MTHFD2L: variants seen among roughly 807,000 people sequenced by gnomAD.
MTHFD2L encodes methylenetetrahydrofolate dehydrogenase (NADP+ dependent) 2 like.
Under a neutral mutation model 34.9 loss-of-function variants are expected in MTHFD2L, and 29 were observed. The ratio of observed to expected loss-of-function variants is 0.83; its 90% confidence interval spans 0.62 to 1.13. MTHFD2L has a LOEUF of 1.13. Among genes scored for constraint, MTHFD2L ranks in the 50% most tolerant of loss-of-function variants. The probability of loss-of-function intolerance (pLI) is 0.00; values close to 1 mark genes in which losing one functional copy is unlikely to be tolerated. For missense variants in MTHFD2L, 481 were observed against 446.5 expected (o/e 1.08, Z -0.70); for synonymous variants, 167 against 155.7 (o/e 1.07, Z -0.54).
At chr4:74,185,176 A>AAAAC (rs1730956623) in intron 3 of MTHFD2L, among the ~76,000 whole-genome samples, 1 of 148,792 alleles carries the variant, frequency 6.7e-6, no homozygotes, top group African/African-American at 2.6e-5. Context: ...AAAAAAAAAA[A>AAAAC]AAATCTGGAA....
At chr4:74,227,532 T>C (rs897947009) in intron 6 of MTHFD2L, among the ~76,000 whole-genome samples, 1 of 152,142 alleles carries the variant, frequency 6.6e-6, no homozygotes, top group Admixed American at 6.6e-5. Flanking sequence ...AAACAGCAGA[T>C]ACCAAAGTCC....
chr4:74,240,859 A>G (rs1741602261), intron 6 of MTHFD2L, among the ~76,000 whole-genome samples: 1 of 152,212 alleles, frequency 6.6e-6, no homozygotes, highest in African/African-American at 2.4e-5. Context: ...ACAATGTATT[A>G]AACTGAAATT....
At chr4:74,276,008 G>A (rs6845763) in intron 6 of MTHFD2L, among the ~76,000 whole-genome samples, 17,845 of 151,996 alleles carry the variant, frequency 0.12, 2,813 homozygotes, top group African/African-American at 0.36. Flanking sequence ...TGATTTCATT[G>A]TAAGTCTTTG....
At chr4:74,204,156 T>C (rs1337355512) in intron 5 of MTHFD2L, among the ~76,000 whole-genome samples, 1 of 152,182 alleles carries the variant, frequency 6.6e-6, no homozygotes, top group Non-Finnish European at 1.5e-5. Flanking sequence ...AGGATAGACA[T>C]GGAGTCAGGC....
chr4:74,267,244 T>C (rs1745395123), intron 6 of MTHFD2L: 1 of 984,868 alleles, frequency 1.0e-6, no homozygotes. Context: ...CCCAAGTGCA[T>C]TGGTGTCTGT....
chr4:74,134,599 A>T (rs1034423738), intron 1 of MTHFD2L, among the ~76,000 whole-genome samples: 2 of 152,178 alleles, frequency 1.3e-5, no homozygotes, highest in African/African-American at 4.8e-5. Context: ...GCAAACATGG[A>T]ACCATAACCT....
chr4:74,185,687 A>G (rs1271279248), intron 3 of MTHFD2L, among the ~76,000 whole-genome samples: 1 of 152,186 alleles, frequency 6.6e-6, no homozygotes, highest in Non-Finnish European at 1.5e-5. Flanking sequence ...TGAAATGGAC[A>G]ACTTCCTTGA....
intron 6 of MTHFD2L, among the ~76,000 whole-genome samples, chr4:74,237,226 T>C (rs986841984): frequency 2.0e-5 from 3 of 152,214 alleles, no homozygotes; most frequent in Admixed American, 6.6e-5. Flanking sequence ...TGAAATCCAC[T>C]GTTCTGTGAC....
intron 6 of MTHFD2L, among the ~76,000 whole-genome samples, chr4:74,239,150 C>T (rs1228554693): frequency 6.6e-6 from 1 of 152,152 alleles, no homozygotes; most frequent in Non-Finnish European, 1.5e-5. Flanking sequence ...GAATACTATG[C>T]AGCCACAGAA....
chr4:74,183,023 G>C (rs1339874691), intron 3 of MTHFD2L: 1 of 151,926 alleles, frequency 6.6e-6, no homozygotes, highest in Non-Finnish European at 1.5e-5. Context: ...AAACTCTCAA[G>C]CTCATGAAAC....
intron 5 of MTHFD2L, among the ~76,000 whole-genome samples, chr4:74,211,424 C>T (rs186844768): frequency 4.6e-5 from 7 of 152,078 alleles, no homozygotes; most frequent in East Asian, 3.9e-4. Flanking sequence ...AGGCCTTTTC[C>T]GCATCTATTG....
intron 1 of MTHFD2L, among the ~76,000 whole-genome samples, chr4:74,138,416 T>A (rs552377092): frequency 6.6e-6 from 1 of 152,280 alleles, no homozygotes; most frequent in Admixed American, 6.5e-5. Flanking sequence ...GTTCTTGGCC[T>A]CACGGATTCC....
At position 74,213,674 on chromosome 4, in the gene MTHFD2L, G is replaced by A. The variant is rs182745583; in HGVS notation, c.713-11628G>A. Among the ~76,000 whole-genome samples, 6 of 152,182 alleles carry A rather than the reference G, an allele frequency of 3.9e-5. No homozygotes were observed. The East Asian group carries it at 1.2e-3, about 29-fold the overall frequency. The stretch of plus-strand genomic sequence containing the variant: ...CATTTTAACCTTGGTGAATGTGACG[G>A]TTATGTGTCTTGTTGTTGCTCTTCT... On this transcript the variant is annotated intron_variant, in intron 5 of 7. Coordinates refer to ENST00000325278, the MANE Select transcript of MTHFD2L (RefSeq NM_001144978.3).
chr4:74,122,492 C>A (rs147315889), upstream of MTHFD2L, among the ~76,000 whole-genome samples: 12 of 152,300 alleles, frequency 7.9e-5, no homozygotes, highest in African/African-American at 2.6e-4. Flanking sequence ...CCTCCCCCAA[C>A]ACTGGGAATT....
intron 1 of MTHFD2L, among the ~76,000 whole-genome samples, chr4:74,150,101 G>T (rs1723840706): frequency 6.6e-6 from 1 of 152,152 alleles, no homozygotes; most frequent in African/African-American, 2.4e-5. Flanking sequence ...ACAAGCCAAA[G>T]AAAGTGGGTA....
At chr4:74,119,092 A>C (rs151282753), upstream of MTHFD2L, among the ~76,000 whole-genome samples, 1 of 152,334 alleles carries the variant, frequency 6.6e-6, no homozygotes, top group Non-Finnish European at 1.5e-5. Context: ...AGTGAGTGGC[A>C]GGTGATAATT....
intron 1 of MTHFD2L, among the ~76,000 whole-genome samples, chr4:74,169,249 G>A (rs1727396010): frequency 6.6e-6 from 1 of 152,140 alleles, no homozygotes; most frequent in South Asian, 2.1e-4. Flanking sequence ...AGTATGCACG[G>A]TACAGTTAAG....
At chr4:74,144,066 A>C (rs1030222962) in intron 1 of MTHFD2L, among the ~76,000 whole-genome samples, 1 of 152,190 alleles carries the variant, frequency 6.6e-6, no homozygotes, top group Middle Eastern at 3.2e-3. Context: ...ACTGCTCTGT[A>C]TCCTGCCATT....
chr4:74,211,276 A>G (rs1407770172), intron 5 of MTHFD2L, among the ~76,000 whole-genome samples: 1 of 152,164 alleles, frequency 6.6e-6, no homozygotes. Context: ...TTCAAAGGGA[A>G]GGTTTCCAGC....
Sources: gnomAD v4.1 joint callset for allele counts (sites outside exome capture counted in the v4.1 genomes callset) on GRCh38, gnomAD v4.1.1 for gene constraint, MANE v1.5 for transcripts, NCBI Gene and HGNC (gene_info 2026-07-23, HGNC 2026-07-21) for gene names.